Variants in PRORP observed in about 807,000 individuals in gnomAD.
PRORP encodes mitochondrial ribonuclease P catalytic subunit.
In PRORP, 51 loss-of-function variants were observed where a neutral mutation model predicts 59.4. The ratio of observed to expected loss-of-function variants is 0.86; its 90% CI spans 0.69 to 1.08. The LOEUF is 1.08. Among genes scored for constraint, PRORP ranks in the 50% least tolerant of loss-of-function variants. PRORP has a pLI of 0.00. For missense variants in PRORP, 646 were observed against 690.3 expected (o/e 0.94, Z 0.72); for synonymous variants, 231 against 245.6 (o/e 0.94, Z 0.55).
chr14:35,136,027 C>T (rs1229919625), intron 4 of PRORP, among the ~76,000 whole-genome samples: 1 of 151,234 alleles, frequency 6.6e-6, no homozygotes, highest in Non-Finnish European at 1.5e-5. Context: ...TCTCTGGCAG[C>T]TGGTTGGAAA....
At chr14:35,156,876 T>C (rs905418728) in intron 4 of PRORP, among the ~76,000 whole-genome samples, 2 of 152,204 alleles carry the variant, frequency 1.3e-5, no homozygotes, top group African/African-American at 4.8e-5. Flanking sequence ...AAAGTTCCTA[T>C]CATAAATTAA....
intron 4 of PRORP, among the ~76,000 whole-genome samples, chr14:35,173,111 A>G (rs572018601): frequency 6.6e-6 from 1 of 152,070 alleles, no homozygotes; most frequent in South Asian, 2.1e-4. Flanking sequence ...CAAGTGATCC[A>G]CCCACCTGAG....
chr14:35,208,455 AT>A (rs2049352081), intron 5 of PRORP, among the ~76,000 whole-genome samples: 1 of 152,248 alleles, frequency 6.6e-6, no homozygotes, highest in Non-Finnish European at 1.5e-5. Context: ...ATAAAGACAT[AT>A]AATGTAATTT....
intron 5 of PRORP, among the ~76,000 whole-genome samples, chr14:35,250,522 C>G (rs1034282977): frequency 6.6e-6 from 1 of 152,196 alleles, no homozygotes; most frequent in African/African-American, 2.4e-5. Context: ...GACACTGATG[C>G]ATTTTCCAAG....
intron 5 of PRORP, among the ~76,000 whole-genome samples, chr14:35,237,071 C>CT (rs2050239324): frequency 7.5e-6 from 1 of 133,426 alleles, no homozygotes; most frequent in African/African-American, 2.7e-5. Context: ...CCTTCCTTTC[C>CT]TTCCTTCCTT....
intron 4 of PRORP, among the ~76,000 whole-genome samples, chr14:35,148,911 AT>A (rs1186320988): frequency 0.11 from 8,750 of 82,760 alleles, 122 homozygotes; most frequent in African/African-American, 0.18. Flanking sequence ...GCACTTTTTA[AT>A]TTTTTTTTTT....
chr14:35,128,969 G>A (rs569598965), intron 4 of PRORP, among the ~76,000 whole-genome samples: 4 of 151,944 alleles, frequency 2.6e-5, no homozygotes, highest in African/African-American at 4.8e-5. Flanking sequence ...GACCAAGGCT[G>A]GTGGATCACC....
At chr14:35,139,036 C>G (rs1033911350) in intron 4 of PRORP, among the ~76,000 whole-genome samples, 2 of 145,612 alleles carry the variant, frequency 1.4e-5, no homozygotes, top group African/African-American at 4.9e-5. Flanking sequence ...AGTGATCCAC[C>G]CACCTCAGCC....
At chr14:35,247,266 TA>T (rs1312817437) in intron 5 of PRORP, among the ~76,000 whole-genome samples, 1 of 152,190 alleles carries the variant, frequency 6.6e-6, no homozygotes, top group Non-Finnish European at 1.5e-5. Context: ...ATAGATTGCT[TA>T]AAACATGAAC....
intron 5 of PRORP, among the ~76,000 whole-genome samples, chr14:35,248,037 AC>A (rs1160356670): frequency 2.0e-5 from 3 of 152,160 alleles, no homozygotes; most frequent in Non-Finnish European, 4.4e-5. Flanking sequence ...CCCACACTTG[AC>A]AGGATGTTCC....
At chr14:35,180,561 G>T in intron 4 of PRORP, 109 bp from the exon 5 acceptor site, 25 of 533,166 alleles carry the variant, frequency 4.7e-5, no homozygotes, top group Admixed American at 7.4e-5. Flanking sequence ...TATTTTTAAG[G>T]GATGAATATT....
At chr14:35,242,653 CATCT>C (rs1222646568) in intron 5 of PRORP, among the ~76,000 whole-genome samples, 4 of 152,148 alleles carry the variant, frequency 2.6e-5, no homozygotes, top group South Asian at 4.1e-4. Context: ...TTTACATTTT[CATCT>C]ATCTAGCTAG....
At chr14:35,273,293 G>C (rs1285319464) in intron 7 of PRORP, 142 bp from the exon 8 acceptor site, 2 of 749,750 alleles carry the variant, frequency 2.7e-6, no homozygotes, top group Non-Finnish European at 4.0e-6. Flanking sequence ...AGAGTTTGCT[G>C]CTGTTTGAAA....
At chr14:35,161,356 C>G (rs11626113) in intron 4 of PRORP, among the ~76,000 whole-genome samples, 1 of 152,012 alleles carries the variant, frequency 6.6e-6, no homozygotes, top group Non-Finnish European at 1.5e-5. Context: ...GCGATTTGAT[C>G]GGTGAAGGGG....
rs770160800 is a variant in PRORP, at chr14:35,270,486, C to T, written c.1510C>T (p.His504Tyr). 3 of 1,614,180 alleles carry T rather than the reference C, an allele frequency of 1.9e-6. No homozygotes were observed. The Admixed American group carries it at 5.0e-5, about 27-fold the overall frequency. ...RFITRDLMRD[H>Y]KACLPDAKTQ... Reference sequence around the variant, plus strand: ...TATCACAAGAGACCTGATGCGGGACCACAAGGCCTGTCTGCCTGATGCCAA... The same window carrying T: ...TATCACAAGAGACCTGATGCGGGACTACAAGGCCTGTCTGCCTGATGCCAA... The change falls in exon 7 of 8, where the codon CAC becomes TAC. Residue 504 changes from histidine to tyrosine, a missense_variant. By Grantham distance (83) the His-to-Tyr change is moderately conservative (BLOSUM62 2). Coordinates refer to ENST00000534898, the MANE Select transcript of PRORP (RefSeq NM_014672.4).
intron 5 of PRORP, among the ~76,000 whole-genome samples, chr14:35,256,167 C>A (rs1458491133): frequency 6.7e-6 from 1 of 149,402 alleles, no homozygotes; most frequent in Admixed American, 6.7e-5. Context: ...ACCTGTAATC[C>A]CAGATGCTCG....
At chr14:35,160,496 A>G (rs938846055) in intron 4 of PRORP, among the ~76,000 whole-genome samples, 13 of 152,216 alleles carry the variant, frequency 8.5e-5, no homozygotes, top group African/African-American at 2.9e-4. Flanking sequence ...TCACTAAAAG[A>G]GGACAAAAAT....
intron 5 of PRORP, among the ~76,000 whole-genome samples, chr14:35,256,747 A>G (rs926266577): frequency 6.6e-6 from 1 of 152,164 alleles, no homozygotes; most frequent in African/African-American, 2.4e-5. Flanking sequence ...GTGAATTGGT[A>G]TATAGATGAA....
chr14:35,185,668 A>G (rs1304596401), intron 5 of PRORP, among the ~76,000 whole-genome samples: 1 of 152,216 alleles, frequency 6.6e-6, no homozygotes, highest in Non-Finnish European at 1.5e-5. Context: ...AATACAGGTA[A>G]ACTCCAGTAT....
Sources: gnomAD v4.1 joint callset for allele counts (sites outside exome capture counted in the v4.1 genomes callset) on GRCh38, gnomAD v4.1.1 for gene constraint, MANE v1.5 for transcripts, NCBI Gene and HGNC (gene_info 2026-07-23, HGNC 2026-07-21) for gene names.